The following COL5A1 variants were observed in gnomAD, a reference collection of about 807,000 sequenced individuals.
COL5A1 encodes the protein collagen type V alpha 1 chain.
Under a neutral mutation model 263.7 loss-of-function variants are expected in COL5A1, and 16 were observed. That is an observed-to-expected ratio of 0.06 (90% CI 0.04 to 0.09). The LOEUF is 0.09. Ranked by LOEUF, COL5A1 falls within the 10% of genes least tolerant of loss-of-function variation. COL5A1 has a pLI of 1.00. For synonymous variants in COL5A1, 1,012 were observed against 1,004.5 expected, an observed-to-expected ratio of 1.01 and a Z score of -0.14; for missense variants, 2,036 against 2,540.5, an observed-to-expected ratio of 0.80 and a Z score of 4.27.
chr9:134,844,676 A>G lies in COL5A1; in HGVS notation c.*2373A>G, dbSNP rs922263999. 1.3e-5 allele frequency: 2 copies of G among 152,280 alleles called. No homozygotes were observed. Among genetic ancestry groups the G allele is most frequent in the South Asian group, 2.1e-4 (1 of 4,830 alleles). 9.4% of individuals were successfully genotyped at this position (152,280 alleles called of 1,614,324 possible). A position where few individuals can be genotyped will look rare whatever the true frequency, so the allele number is the denominator to read the frequency against. On this transcript the variant is annotated 3_prime_UTR_variant, in exon 66 of 66. Transcript: ENST00000371817. ...AGGACATCAGGCCTTTTGAAATACA[A>G]TGTCAAATGACACATTGTACGGTTT... is the stretch of plus-strand genomic sequence containing the variant.
At chr9:134,648,410 G>C (rs1316331723) in intron 1 of COL5A1, among the ~76,000 whole-genome samples, 1 of 151,932 alleles carries the variant, frequency 6.6e-6, no homozygotes, top group Admixed American at 6.6e-5. Flanking sequence ...CAGGACTGCA[G>C]CCACCAGGAC....
intron 31 of COL5A1, among the ~76,000 whole-genome samples, chr9:134,787,365 C>T (rs1000253245): frequency 6.6e-6 from 1 of 152,184 alleles, no homozygotes; most frequent in Non-Finnish European, 1.5e-5. Context: ...CCTAGATTGG[C>T]AGGCGGGCGT....
At chr9:134,756,932 G>T in intron 17 of COL5A1, 114 bp downstream of exon 17, 1 of 1,042,180 alleles carries the variant, frequency 9.6e-7, no homozygotes, top group Non-Finnish European at 1.5e-6. Context: ...ATGACAGGTG[G>T]CTCCGTCACT....
intron 32 of COL5A1, among the ~76,000 whole-genome samples, chr9:134,793,815 G>A (rs151194050): frequency 6.6e-6 from 1 of 152,346 alleles, no homozygotes; most frequent in African/African-American, 2.4e-5. Flanking sequence ...TGAAGCCAGA[G>A]GATATCACCA....
chr9:134,709,250 A>G (rs374334438), intron 4 of COL5A1: 90 of 309,830 alleles, frequency 2.9e-4, no homozygotes, highest in African/African-American at 1.6e-3. Flanking sequence ...CTGGGCATGC[A>G]TATTTGGGGC....
intron 4 of COL5A1, among the ~76,000 whole-genome samples, chr9:134,717,073 G>A (rs994698287): frequency 1.3e-5 from 2 of 152,110 alleles, no homozygotes; most frequent in South Asian, 2.1e-4. Context: ...TATGACTCAC[G>A]GATGAAGAAC....
At chr9:134,804,805 C>T (rs1838235627) in intron 39 of COL5A1, among the ~76,000 whole-genome samples, 170 bp from the exon 40 acceptor site, 2 of 152,128 alleles carry the variant, frequency 1.3e-5, no homozygotes, top group South Asian at 2.1e-4. Flanking sequence ...AGGTCTGTGT[C>T]GCTGGCTCCA....
chr9:134,822,179 C>T, intron 59 of COL5A1, 29 bp downstream of exon 59: 1 of 1,539,566 alleles, frequency 6.5e-7, no homozygotes, highest in Non-Finnish European at 9.0e-7. Context: ...CTTGGTCATT[C>T]CTGGGAGGGC....
chr9:134,646,879 G>A (rs1831493324), intron 1 of COL5A1, among the ~76,000 whole-genome samples: 1 of 152,208 alleles, frequency 6.6e-6, no homozygotes, highest in East Asian at 1.9e-4. Flanking sequence ...GCCTCTGAGG[G>A]GCTGTCGGAT....
chr9:134,654,632 T>G (rs2132482038), intron 1 of COL5A1, among the ~76,000 whole-genome samples: 2 of 118,760 alleles, frequency 1.7e-5, no homozygotes, highest in Admixed American at 8.5e-5. Context: ...GCTGGGGGTG[T>G]GTAGGGCTGG....
intron 49 of COL5A1, among the ~76,000 whole-genome samples, chr9:134,814,309 A>G (rs895277989): frequency 1.3e-5 from 2 of 152,192 alleles, no homozygotes; most frequent in African/African-American, 4.8e-5. Context: ...TTCGCGGGGC[A>G]GCTGCTGTCA....
chr9:134,730,390 G>C lies in COL5A1; in HGVS notation c.1079G>C (p.Gly360Ala). Residue 360 changes from glycine to alanine, a missense_variant, in exon 7 of 66, where the codon GGG becomes GCG. Gly to Ala is a moderately conservative substitution (Grantham distance 60). Coordinates refer to ENST00000371817, the MANE Select transcript of COL5A1 (RefSeq NM_000093.5). ...SPYDDLTYGE[G>A]EENPDQPTDP... is the part of the protein sequence containing the mutation. The stretch of plus-strand genomic sequence containing the variant: ...TATGATGACCTCACCTATGGCGAGG[G>C]GGAGGAGAACCCCGACCAGCCCACA... 1 of 1,614,202 alleles carries C rather than the reference G, an allele frequency of 6.2e-7. No individual in the cohort carries two copies. The highest frequency in any genetic ancestry group is 8.5e-7 in the Non-Finnish European group (1 of 1,180,032).
intron 2 of COL5A1, 21 bp from the exon 3 acceptor site, chr9:134,699,888 C>T: frequency 1.9e-6 from 3 of 1,612,856 alleles, no homozygotes; most frequent in Non-Finnish European, 2.5e-6. Flanking sequence ...ACTGCCTTCT[C>T]ACCTCTGTGC....
At chr9:134,737,995 C>T (rs1018109643) in intron 9 of COL5A1, among the ~76,000 whole-genome samples, 5 of 152,138 alleles carry the variant, frequency 3.3e-5, no homozygotes, top group South Asian at 2.1e-4. Context: ...TGGGGCCTGA[C>T]GGTGGTCCTG....
rs199903619 is a variant in COL5A1, at chr9:134,789,242, G to C, written c.2700+34G>C. ...AGCCTGGCCCCTGGGCAGGCAGCTT[G>C]TTCGGCTGCCTCGGTGCCTAGCAAG... On this transcript the variant is annotated intron_variant, in intron 32 of 65. Coordinates refer to ENST00000371817, the MANE Select transcript of COL5A1 (RefSeq NM_000093.5). This position sits in a 1 kb window ranked among gnomAD's most constrained non-coding sequence, Gnocchi z 4.8. 54 of 1,589,520 alleles carry C rather than the reference G, an allele frequency of 3.4e-5. No homozygotes were observed. In the Admixed American group the frequency reaches 4.7e-4, roughly 14 times the overall value.
At chr9:134,760,770 C>T (rs1051048097) in intron 18 of COL5A1, among the ~76,000 whole-genome samples, 1 of 141,048 alleles carries the variant, frequency 7.1e-6, no homozygotes, top group Non-Finnish European at 1.5e-5. Context: ...CATACACGAA[C>T]ACCACCTACA....
intron 48 of COL5A1, 64 bp downstream of exon 48, chr9:134,812,776 G>C (rs1296359523): frequency 4.8e-6 from 5 of 1,032,954 alleles, no homozygotes; most frequent in South Asian, 2.9e-5. Flanking sequence ...GTGTGTGTCT[G>C]TGTGTGTGTG....
intron 64 of COL5A1, among the ~76,000 whole-genome samples, chr9:134,832,357 G>A (rs1839671278): frequency 2.0e-5 from 3 of 152,160 alleles, no homozygotes; most frequent in Admixed American, 1.3e-4. Context: ...AGTGAGCTGA[G>A]ATCGCGCCAC....
intron 13 of COL5A1, 66 bp downstream of exon 13, chr9:134,750,948 T>C: frequency 7.2e-7 from 1 of 1,380,280 alleles, no homozygotes; most frequent in Non-Finnish European, 1.0e-6. Flanking sequence ...CCAACAGGAG[T>C]GAGTGAGTCA....
Sources: allele counts gnomAD v4.1 joint callset (sites outside exome capture counted in the v4.1 genomes callset), GRCh38; gene constraint gnomAD v4.1.1; non-coding constraint Gnocchi (gnomAD v3.1); transcripts MANE v1.5; gene names NCBI Gene and HGNC (gene_info 2026-07-23, HGNC 2026-07-21).